The following GPLD1 variants were observed in gnomAD, a reference collection of about 807,000 sequenced individuals.
GPLD1 encodes the protein phosphatidylinositol-glycan-specific phospholipase D.
A neutral mutation model predicts 112.6 loss-of-function variants in GPLD1; 84 were observed. That is an observed-to-expected ratio of 0.75 (90% CI 0.63 to 0.89). The LOEUF (loss-of-function observed/expected upper bound fraction) is 0.89, where lower values mean the gene tolerates loss of function less well. GPLD1 is among the 40% of genes least tolerant of loss of function. GPLD1 has a pLI of 0.00. For synonymous variants in GPLD1, 386 were observed against 403.8 expected (o/e 0.96, Z 0.53); for missense variants, 1,044 against 1,051.5 (o/e 0.99, Z 0.10).
intron 20 of GPLD1, among the ~76,000 whole-genome samples, chr6:24,445,081 G>A (rs898268446): frequency 7.2e-5 from 11 of 152,034 alleles, no homozygotes; most frequent in Non-Finnish European, 1.0e-4. Flanking sequence ...AGGCTGGAGT[G>A]CAGTGGCATG....
intron 10 of GPLD1, among the ~76,000 whole-genome samples, chr6:24,463,798 T>A (rs77818310): frequency 6.6e-6 from 1 of 152,124 alleles, no homozygotes; most frequent in Non-Finnish European, 1.5e-5. Flanking sequence ...CTGTTATGAA[T>A]TTTTTTGTGT....
chr6:24,452,707 C>T (rs1434720245), intron 14 of GPLD1, among the ~76,000 whole-genome samples: 1 of 149,658 alleles, frequency 6.7e-6, no homozygotes, highest in East Asian at 2.0e-4. Context: ...ACCCAGAAGG[C>T]AGAGGTTGCA....
At chr6:24,462,648 G>T in intron 11 of GPLD1, 82 bp downstream of exon 11, 1 of 866,220 alleles carries the variant, frequency 1.2e-6, no homozygotes, top group Non-Finnish European at 2.0e-6. Context: ...TCTCTCAACA[G>T]ATCCCGTGTT....
chr6:24,474,602 A>T (rs1205411947), intron 5 of GPLD1, among the ~76,000 whole-genome samples: 1 of 152,102 alleles, frequency 6.6e-6, no homozygotes, highest in Non-Finnish European at 1.5e-5. Context: ...CACATTAGCC[A>T]CTCTGCTCTT....
rs1764365944 is a variant in GPLD1 at position 24,486,114 on chromosome 6, C to A, written c.114G>T (p.Glu38Asp). 6.3e-7 allele frequency: 1 copy of A among 1,586,356 alleles called. No homozygotes were observed. Among genetic ancestry groups the A allele is most frequent in the Admixed American group, 1.7e-5 (1 of 59,700 alleles). The change falls in exon 2 of 25, where the codon GAG becomes GAT. Residue 38 changes from glutamate (E) to aspartate (D), a missense_variant. By Grantham distance (45) the Glu-to-Asp change is conservative (BLOSUM62 2). Transcript: ENST00000230036. The stretch of plus-strand genomic sequence containing the variant: ...CACGCCCATTGTGAAGCTGAAGAAA[C>A]TCCAGAGCTCTGTGTCCTGAGAGAA... ...THVEIGHRAL[E>D]FLQLHNGRVN...
intron 14 of GPLD1, among the ~76,000 whole-genome samples, chr6:24,451,986 C>T (rs982170586): frequency 6.6e-6 from 1 of 152,236 alleles, no homozygotes; most frequent in South Asian, 2.1e-4. Flanking sequence ...TAAAGCAGGC[C>T]AGGCCTTGAG....
intron 2 of GPLD1, among the ~76,000 whole-genome samples, chr6:24,484,315 G>A (rs980683254): frequency 6.6e-6 from 1 of 150,434 alleles, no homozygotes; most frequent in East Asian, 2.0e-4. Flanking sequence ...GGGTTCAAAC[G>A]ATTCCCCGCC....
downstream of GPLD1, chr6:24,425,566 T>C (rs1429000007): frequency 6.6e-6 from 1 of 152,246 alleles, no homozygotes; most frequent in Non-Finnish European, 1.5e-5. Context: ...TCATAAATAA[T>C]AAATCAGCTT....
intron 10 of GPLD1, among the ~76,000 whole-genome samples, chr6:24,465,159 T>C (rs1370442641): frequency 7.4e-6 from 1 of 135,054 alleles, no homozygotes; most frequent in African/African-American, 2.8e-5. Flanking sequence ...ATCGCACCAC[T>C]GCACTCTAGC....
chr6:24,430,567 A>G (rs1341545887), intron 24 of GPLD1, among the ~76,000 whole-genome samples: 1 of 150,908 alleles, frequency 6.6e-6, no homozygotes, highest in Non-Finnish European at 1.5e-5. Flanking sequence ...CAGCCCCATG[A>G]GAAGTTTCTG....
chr6:24,486,010 C>A, intron 2 of GPLD1, 65 bp downstream of exon 2: 1 of 951,908 alleles, frequency 1.1e-6, no homozygotes, highest in Non-Finnish European at 1.7e-6. Context: ...CTGTTAGGAT[C>A]TTTGTTTGGC....
intron 22 of GPLD1, among the ~76,000 whole-genome samples, chr6:24,435,656 T>G (rs1265632909): frequency 1.3e-5 from 2 of 150,634 alleles, no homozygotes; most frequent in Non-Finnish European, 3.0e-5. Flanking sequence ...AAACCCTGTC[T>G]CTACTAAAAA....
Position 24,445,653 on chromosome 6 carries a change from TA to T in GPLD1, c.1927-15del. Reference sequence around the variant, plus strand: ...TTTCCCCATTGCCTGTGAGACACAATAAATCAATATTGTATAGGTGAGAAAA... The same window carrying T: ...TTTCCCCATTGCCTGTGAGACACAATAATCAATATTGTATAGGTGAGAAAA... On this transcript the variant is annotated splice_polypyrimidine_tract_variant and intron_variant, in intron 19 of 24. Transcript: ENST00000230036. 6.2e-7 allele frequency: 1 copy of T among 1,609,064 alleles called. No individual in the cohort carries two copies. Among genetic ancestry groups the T allele is most frequent in the Non-Finnish European group, 8.5e-7 (1 of 1,175,478 alleles).
rs747189818 is a variant in GPLD1, at chr6:24,436,626, C to T, written c.2308G>A (p.Asp770Asn). The part of the protein sequence containing the change: ...VYNGKETTLG[D>N]MTGKCKSWIT... ...CATGATTTGCATTTGCCAGTCATGTCACCAAGGGTGGTCTCTTTGCCATTA... is the reference window on the plus strand; with the variant it reads ...CATGATTTGCATTTGCCAGTCATGTTACCAAGGGTGGTCTCTTTGCCATTA... The change falls in exon 22 of 25, where the codon GAC (aspartate) becomes AAC (asparagine). Residue 770 changes from aspartate (D) to asparagine (N), a missense_variant. Coordinates refer to ENST00000230036, the MANE Select transcript of GPLD1 (RefSeq NM_001503.4). 1 of 1,614,136 alleles carries T rather than the reference C, an allele frequency of 6.2e-7. No individual in the cohort carries two copies. Among genetic ancestry groups the T allele is most frequent in the Non-Finnish European group, 8.5e-7 (1 of 1,179,978 alleles).
At chr6:24,483,900 CTTTGTTTTGTTTTGT>C (rs60475332) in intron 2 of GPLD1, among the ~76,000 whole-genome samples, 3 of 149,610 alleles carry the variant, frequency 2.0e-5, no homozygotes, top group South Asian at 2.1e-4. Context: ...TGCCCCACCA[CTTTGTTTTGTTTTGT>C]TTTGTTTTGT....
chr6:24,468,439 C>T (rs954686796), intron 7 of GPLD1, among the ~76,000 whole-genome samples: 3 of 152,190 alleles, frequency 2.0e-5, no homozygotes, highest in African/African-American at 4.8e-5. Flanking sequence ...CAGTGAAAGG[C>T]TAATTGGAAA....
At chr6:24,481,672 G>C (rs142772850) in intron 2 of GPLD1, among the ~76,000 whole-genome samples, 1 of 152,102 alleles carries the variant, frequency 6.6e-6, no homozygotes, top group Non-Finnish European at 1.5e-5. Flanking sequence ...CTAGAGCTCT[G>C]GGAAGATGCC....
At chr6:24,450,119 G>A (rs1763034882) in intron 14 of GPLD1, among the ~76,000 whole-genome samples, 1 of 152,224 alleles carries the variant, frequency 6.6e-6, no homozygotes, top group Non-Finnish European at 1.5e-5. Flanking sequence ...AAGCAGAGAT[G>A]CCAGAAAGTA....
At chr6:24,455,455 A>T (rs1306330976) in intron 13 of GPLD1, among the ~76,000 whole-genome samples, 1 of 152,202 alleles carries the variant, frequency 6.6e-6, no homozygotes, top group Non-Finnish European at 1.5e-5. Context: ...TGATTTTTTT[A>T]AAAAGCCTTC....
Sources: allele counts gnomAD v4.1 joint callset (sites outside exome capture counted in the v4.1 genomes callset), GRCh38; gene constraint gnomAD v4.1.1; transcripts MANE v1.5; gene names NCBI Gene and HGNC (gene_info 2026-07-23, HGNC 2026-07-21).